The following PALS2 variants were observed in gnomAD, a reference collection of about 807,000 sequenced individuals.
PALS2 encodes protein associated with LIN7 2, MAGUK p55 family member, also known as protein PALS2.
A neutral mutation model predicts 61.6 loss-of-function variants in PALS2; 27 were observed. The ratio of observed to expected loss-of-function variants is 0.44; its 90% CI spans 0.32 to 0.60. The LOEUF (loss-of-function observed/expected upper bound fraction) is 0.60. Ranked by LOEUF, PALS2 falls within the 20% of genes least tolerant of loss-of-function variation. PALS2 has a pLI of 0.05. For missense variants in PALS2, 554 were observed against 639.4 expected (o/e 0.87, Z 1.44); for synonymous variants, 236 against 218.6 (o/e 1.08, Z -0.70).
At chr7:24,580,208 A>G (rs1583822531) in intron 1 of PALS2, among the ~76,000 whole-genome samples, 1 of 152,148 alleles carries the variant, frequency 6.6e-6, no homozygotes, top group Admixed American at 6.5e-5. Flanking sequence ...TCTGTAGGTC[A>G]TTTTTACCAT....
chr7:24,680,062 A>G (rs1787837358), intron 10 of PALS2, among the ~76,000 whole-genome samples: 1 of 152,166 alleles, frequency 6.6e-6, no homozygotes. Flanking sequence ...ACCACTCTCC[A>G]ATTAATCAAC....
chr7:24,646,218 C>T (rs951700118), intron 3 of PALS2, among the ~76,000 whole-genome samples: 9 of 152,086 alleles, frequency 5.9e-5, no homozygotes, highest in Non-Finnish European at 1.2e-4. Context: ...AGAAGTCATC[C>T]TTGTCTTGTG....
chr7:24,675,622 A>G (rs1163672097), intron 9 of PALS2, among the ~76,000 whole-genome samples: 3 of 140,000 alleles, frequency 2.1e-5, no homozygotes, highest in Non-Finnish European at 3.0e-5. Context: ...GTTCCCACCT[A>G]TGAGTGAGAA....
chr7:24,641,907 T>G, intron 3 of PALS2, 39 bp downstream of exon 3: 1 of 1,582,548 alleles, frequency 6.3e-7, no homozygotes, highest in Non-Finnish European at 8.6e-7. Context: ...GTTCCCTGTA[T>G]TCCCAAAGTA....
Position 24,693,310 on chromosome 7 carries a change from G to T in PALS2, c.*5696G>T, listed in dbSNP as rs1161042783. ...TCAGCCAACAGCAAGCCAGGGGAAG[G>T]AACATACATAAATATGACAGGTCAT... On this transcript the variant is annotated 3_prime_UTR_variant, in exon 12 of 12. Coordinates refer to ENST00000222644, the MANE Select transcript of PALS2 (RefSeq NM_001303037.2). 1 of 152,150 alleles carries T rather than the reference G, an allele frequency of 6.6e-6. No individual in the cohort carries two copies. Among genetic ancestry groups the T allele is most frequent in the Non-Finnish European group, 1.5e-5 (1 of 68,006 alleles). The allele number at this position is 152,150 out of a possible 1,614,324, so 9.4% of individuals were successfully genotyped here. A position where few individuals can be genotyped will look rare whatever the true frequency, so the allele number is the denominator to read the frequency against.
intron 3 of PALS2, among the ~76,000 whole-genome samples, chr7:24,642,788 A>G (rs751762286): frequency 6.6e-6 from 1 of 152,210 alleles, no homozygotes; most frequent in Non-Finnish European, 1.5e-5. Flanking sequence ...ATGGACACAT[A>G]TCTCAGAGAC....
intron 1 of PALS2, among the ~76,000 whole-genome samples, chr7:24,609,855 C>T (rs774402449): frequency 6.6e-6 from 1 of 152,114 alleles, no homozygotes; most frequent in East Asian, 1.9e-4. Flanking sequence ...ATGACTGCCC[C>T]TCCACTGTGC....
chr7:24,610,424 A>T (rs868412450), intron 1 of PALS2, among the ~76,000 whole-genome samples: 1 of 152,130 alleles, frequency 6.6e-6, no homozygotes, highest in African/African-American at 2.4e-5. Context: ...GTTTGTCCAT[A>T]TATTTTCTTC....
intron 1 of PALS2, among the ~76,000 whole-genome samples, chr7:24,616,844 C>G (rs1384303796): frequency 6.6e-6 from 1 of 152,046 alleles, no homozygotes; most frequent in Non-Finnish European, 1.5e-5. Context: ...GTTTTTAGAA[C>G]TCTTTGTCTT....
intron 1 of PALS2, among the ~76,000 whole-genome samples, chr7:24,604,219 GAA>G (rs58169190): frequency 1.6e-4 from 14 of 86,142 alleles, no homozygotes; most frequent in Non-Finnish European, 1.9e-4. Flanking sequence ...TTCAAGAAAA[GAA>G]AAAAAAAAAA....
intron 6 of PALS2, 114 bp from the exon 7 acceptor site, chr7:24,665,474 G>T: frequency 1.2e-6 from 1 of 811,914 alleles, no homozygotes. Context: ...AAATCTCAAG[G>T]TTGTTTTTAA....
chr7:24,619,005 G>C lies in PALS2; in HGVS notation c.-2-4661G>C, dbSNP rs1475589901. On this transcript the variant is annotated intron_variant, in intron 1 of 11. Transcript: ENST00000222644. ...AGCCAAGTATTTGTCTATTTAATTG[G>C]TCACTTGAAAAAGCCAGCTATTTAC... Among the ~76,000 whole-genome samples, 19 of 152,272 alleles carry C rather than the reference G, an allele frequency of 1.2e-4. 1 individual carries two copies. The highest frequency in any genetic ancestry group is 2.6e-4 in the Non-Finnish European group (18 of 68,006).
chr7:24,673,840 CTG>C (rs1787427870), intron 9 of PALS2, among the ~76,000 whole-genome samples: 1 of 151,846 alleles, frequency 6.6e-6, no homozygotes, highest in South Asian at 2.1e-4. Flanking sequence ...ATTTTACTCT[CTG>C]TTTTTTTAGA....
At chr7:24,574,758 T>C (rs1366640286) in intron 1 of PALS2, among the ~76,000 whole-genome samples, 1 of 152,242 alleles carries the variant, frequency 6.6e-6, no homozygotes, top group African/African-American at 2.4e-5. Context: ...TGGAGTATGA[T>C]TTAGCAGCCA....
rs1787855456 is a variant in PALS2 at position 24,680,385 on chromosome 7, T to C, written c.1318-7T>C. On this transcript the variant is annotated splice_region_variant and splice_polypyrimidine_tract_variant and intron_variant, in intron 10 of 11. Transcript: ENST00000222644. ...ATAAATTGGCTTATAATTATTCTTTTACACAGGCACTGAAAGTATTGAGGA... is the reference window on the plus strand; with the variant it reads ...ATAAATTGGCTTATAATTATTCTTTCACACAGGCACTGAAAGTATTGAGGA... 6.2e-7 allele frequency: 1 copy of C among 1,610,180 alleles called. No homozygotes were observed. Among genetic ancestry groups the C allele is most frequent in the Non-Finnish European group, 8.5e-7 (1 of 1,176,878 alleles).
rs966980571 is a variant in PALS2, at chr7:24,673,503, C to T, written c.1114+4843C>T. On this transcript the variant is annotated intron_variant, in intron 9 of 11. Transcript: ENST00000222644. ...AATTCTTTCAATGTTTGATGAAATT[C>T]ACCCATGAAGCCATTTGACCCTGGG... Among the ~76,000 whole-genome samples, 3 of 152,198 alleles carry T rather than the reference C, an allele frequency of 2.0e-5. No homozygotes were observed. In the East Asian group the frequency reaches 5.8e-4, roughly 29 times the overall value.
At chr7:24,626,245 A>T (rs535258941) in intron 2 of PALS2, among the ~76,000 whole-genome samples, 2 of 152,300 alleles carry the variant, frequency 1.3e-5, no homozygotes, top group South Asian at 2.1e-4. Flanking sequence ...ACAACAGAAG[A>T]GGGAATAAGT....
At chr7:24,575,551 T>C (rs886869383) in intron 1 of PALS2, among the ~76,000 whole-genome samples, 12 of 152,240 alleles carry the variant, frequency 7.9e-5, no homozygotes, top group African/African-American at 2.9e-4. Context: ...CTATGTGTTA[T>C]CTTTTTAAAA....
In PALS2 at chr7:24,687,015, G is replaced by C. The variant is rs1788238016; in HGVS notation, c.1447-423G>C. ...GATCTTATAGAGAGGTAGCAAGTTT[G>C]GCTTTGAGCTTAACAGCCACTGCAA... On this transcript the variant is annotated intron_variant, in intron 11 of 11. Transcript: ENST00000222644. The surrounding 1 kb of genome is among the most constrained non-coding windows in gnomAD (Gnocchi z 4.5). Among the ~76,000 whole-genome samples, 2 of 152,194 alleles carry C rather than the reference G, an allele frequency of 1.3e-5. No homozygotes were observed. The highest frequency in any genetic ancestry group is 1.3e-4 in the Admixed American group (2 of 15,278).
Sources: gnomAD v4.1 joint callset for allele counts (sites outside exome capture counted in the v4.1 genomes callset) on GRCh38, gnomAD v4.1.1 for gene constraint, Gnocchi (gnomAD v3.1) non-coding constraint, MANE v1.5 for transcripts, NCBI Gene and HGNC (gene_info 2026-07-23, HGNC 2026-07-21) for gene names.